The following FRMD5 variants were observed in gnomAD, a reference collection of about 807,000 sequenced individuals.
FRMD5 encodes FERM domain-containing protein 5.
Under a neutral mutation model 69.0 loss-of-function variants are expected in FRMD5, and 20 were observed. The ratio of observed to expected loss-of-function variants is 0.29; its 90% CI spans 0.20 to 0.42. FRMD5 has a LOEUF of 0.42. Among genes scored for constraint, FRMD5 ranks in the 10% least tolerant of loss-of-function variants. The pLI is 1.00. For missense variants in FRMD5, 595 were observed against 708.6 expected (o/e 0.84, Z 1.82); for synonymous variants, 271 against 260.1 (o/e 1.04, Z -0.40).
At chr15:44,088,247 G>A (rs1229817805) in intron 1 of FRMD5, among the ~76,000 whole-genome samples, 2 of 151,930 alleles carry the variant, frequency 1.3e-5, no homozygotes, top group African/African-American at 4.8e-5. Flanking sequence ...ATCAGTTTTA[G>A]AGCATTTTCA....
chr15:43,894,517 T>G (rs188870800), intron 7 of FRMD5, among the ~76,000 whole-genome samples: 1 of 150,810 alleles, frequency 6.6e-6, no homozygotes, highest in Admixed American at 6.6e-5. Flanking sequence ...GAGGCAGAGG[T>G]GAGGCAGAGG....
chr15:44,111,853 C>CT (rs139569623), intron 1 of FRMD5, among the ~76,000 whole-genome samples: 251 of 144,992 alleles, frequency 1.7e-3, no homozygotes, highest in East Asian at 3.0e-3. Flanking sequence ...CTCTCTTTTC[C>CT]TTTTTTTTTT....
At chr15:44,042,295 C>T (rs2140319004) in intron 1 of FRMD5, among the ~76,000 whole-genome samples, 1 of 152,040 alleles carries the variant, frequency 6.6e-6, no homozygotes, top group Admixed American at 6.5e-5. Flanking sequence ...AATAGCCTAC[C>T]AATCAAAAAA....
intron 1 of FRMD5, among the ~76,000 whole-genome samples, chr15:44,023,177 C>T (rs1424741370): frequency 2.0e-5 from 3 of 152,262 alleles, no homozygotes; most frequent in East Asian, 3.9e-4. Flanking sequence ...CTACAAGAGA[C>T]GTTCTTGCCC....
chr15:44,177,779 T>C (rs1388665565), intron 1 of FRMD5, among the ~76,000 whole-genome samples: 3 of 152,158 alleles, frequency 2.0e-5, no homozygotes, highest in African/African-American at 7.2e-5. Flanking sequence ...GATTACATAT[T>C]GTATGATTCC....
At chr15:44,091,876 A>T (rs2076478625) in intron 1 of FRMD5, among the ~76,000 whole-genome samples, 1 of 151,896 alleles carries the variant, frequency 6.6e-6, no homozygotes. Context: ...GCTTCCCCTC[A>T]GTCAAGAGAG....
intron 6 of FRMD5, among the ~76,000 whole-genome samples, chr15:43,904,935 G>A (rs551745338): frequency 1.3e-5 from 2 of 152,158 alleles, no homozygotes; most frequent in East Asian, 1.9e-4. Context: ...GTGCAAAGTC[G>A]GGGACTCCAG....
chr15:44,195,221 T>G lies in FRMD5; in HGVS notation c.-167A>C. On this transcript the variant is annotated 5_prime_UTR_variant, in exon 1 of 14. Transcript: ENST00000417257. ...TCGTTCCTCCTCCTTATCCTCCTCC[T>G]TCCCTCAGCCGCCACCGCCTCCCCC... is the stretch of plus-strand genomic sequence containing the variant. The G allele has an allele frequency of 7.3e-5, 38 of 519,054 alleles. No individual in the cohort carries two copies. Among genetic ancestry groups the G allele is most frequent in the Non-Finnish European group, 1.0e-4 (31 of 297,556 alleles). The allele number at this position is 519,054 out of a possible 1,614,324, so 32.2% of individuals were successfully genotyped here.
chr15:44,026,110 T>A (rs1347994560), intron 1 of FRMD5, among the ~76,000 whole-genome samples: 1 of 152,168 alleles, frequency 6.6e-6, no homozygotes. Flanking sequence ...CCTGAGTAGC[T>A]GGGACTACAG....
intron 1 of FRMD5, among the ~76,000 whole-genome samples, chr15:44,107,143 T>A (rs2076731489): frequency 6.6e-6 from 1 of 152,148 alleles, no homozygotes; most frequent in African/African-American, 2.4e-5. Context: ...CAAAATGTAT[T>A]TTCATTCACA....
At chr15:44,085,200 T>A (rs1403188016) in intron 1 of FRMD5, among the ~76,000 whole-genome samples, 1 of 152,148 alleles carries the variant, frequency 6.6e-6, no homozygotes, top group African/African-American at 2.4e-5. Context: ...AAATAGATAT[T>A]ATATAAGCAC....
chr15:44,068,515 C>T (rs1028011101), intron 1 of FRMD5, among the ~76,000 whole-genome samples: 4 of 152,038 alleles, frequency 2.6e-5, no homozygotes, highest in Admixed American at 1.3e-4. Flanking sequence ...TGCAGAATTC[C>T]GTTTATATGA....
At chr15:44,163,689 C>G (rs2077659823) in intron 1 of FRMD5, among the ~76,000 whole-genome samples, 1 of 152,176 alleles carries the variant, frequency 6.6e-6, no homozygotes, top group Non-Finnish European at 1.5e-5. Context: ...TGAAACAAAA[C>G]GTCCAAGTAT....
chr15:44,017,282 G>A (rs1300315858), intron 1 of FRMD5, among the ~76,000 whole-genome samples: 1 of 151,702 alleles, frequency 6.6e-6, no homozygotes, highest in Non-Finnish European at 1.5e-5. Context: ...AGGTTGTAGT[G>A]AGCCAAGATA....
chr15:44,166,879 A>G (rs2077719002), intron 1 of FRMD5, among the ~76,000 whole-genome samples: 1 of 151,524 alleles, frequency 6.6e-6, no homozygotes, highest in African/African-American at 2.4e-5. Context: ...AATACTGCTT[A>G]TTAAGGTCTA....
chr15:44,176,052 A>T (rs1478096930), intron 1 of FRMD5, among the ~76,000 whole-genome samples: 3 of 152,182 alleles, frequency 2.0e-5, no homozygotes, highest in South Asian at 4.1e-4. Context: ...ATTCATATGG[A>T]AATGCAATAA....
Position 43,919,762 on chromosome 15 carries a change from C to T in FRMD5, c.250+5G>A. ...GGCTTGAGTCTTTTCATGGAGAATA[C>T]TTACATCTCAATTGTTTCACCACAG... On this transcript the variant is annotated splice_donor_5th_base_variant and intron_variant, in intron 3 of 13. Transcript: ENST00000417257. 6.2e-7 allele frequency: 1 copy of T among 1,613,800 alleles called. No individual in the cohort carries two copies. Among genetic ancestry groups the T allele is most frequent in the Non-Finnish European group, 8.5e-7 (1 of 1,179,664 alleles).
intron 1 of FRMD5, among the ~76,000 whole-genome samples, chr15:43,969,870 A>G (rs1339065715): frequency 6.6e-6 from 1 of 152,220 alleles, no homozygotes; most frequent in African/African-American, 2.4e-5. Context: ...TTATAAATGT[A>G]CTTTTATTGG....
At chr15:44,148,493 T>G (rs569681220) in intron 1 of FRMD5, among the ~76,000 whole-genome samples, 32 of 152,200 alleles carry the variant, frequency 2.1e-4, no homozygotes, top group African/African-American at 4.3e-4. Flanking sequence ...GGATGGTCTC[T>G]ATCTCCTGAC....
Sources: gnomAD v4.1 joint callset for allele counts (sites outside exome capture counted in the v4.1 genomes callset) on GRCh38, gnomAD v4.1.1 for gene constraint, MANE v1.5 for transcripts, NCBI Gene and HGNC (gene_info 2026-07-23, HGNC 2026-07-21) for gene names.